The following MACROD2 variants were observed in gnomAD, a reference collection of about 807,000 sequenced individuals.
MACROD2 encodes the protein mono-ADP ribosylhydrolase 2, also known as ADP-ribose glycohydrolase MACROD2.
MACROD2 carries 36 observed loss-of-function variants against 70.4 expected under a neutral mutation model. That is an observed-to-expected ratio of 0.51 (90% CI 0.39 to 0.68). The LOEUF (loss-of-function observed/expected upper bound fraction) is 0.68, where lower values mean the gene tolerates loss of function less well. MACROD2 is among the 30% of genes least tolerant of loss of function. MACROD2 has a pLI of 0.00. For synonymous variants in MACROD2, 172 were observed against 178.8 expected, an observed-to-expected ratio of 0.96 and a Z score of 0.30; for missense variants, 496 against 538.4, an observed-to-expected ratio of 0.92 and a Z score of 0.78.
At chr20:15,678,520 T>G (rs55908777) in intron 8 of MACROD2, among the ~76,000 whole-genome samples, 3 of 151,786 alleles carry the variant, frequency 2.0e-5, no homozygotes, top group Non-Finnish European at 4.4e-5. Context: ...CCACCATGCC[T>G]GGCTAATTTT....
chr20:14,415,857 C>T (rs1180776634), intron 3 of MACROD2, among the ~76,000 whole-genome samples: 1 of 152,092 alleles, frequency 6.6e-6, no homozygotes, highest in Non-Finnish European at 1.5e-5. Flanking sequence ...TACTCAAAGT[C>T]CAGCTGCAAC....
At chr20:15,093,846 T>G (rs1352907935) in intron 5 of MACROD2, among the ~76,000 whole-genome samples, 2 of 152,190 alleles carry the variant, frequency 1.3e-5, no homozygotes, top group Non-Finnish European at 2.9e-5. Flanking sequence ...CAGACACTGT[T>G]CTAAGTGCTT....
intron 5 of MACROD2, among the ~76,000 whole-genome samples, chr20:15,116,086 T>A (rs1441890617): frequency 6.6e-6 from 1 of 152,232 alleles, no homozygotes; most frequent in African/African-American, 2.4e-5. Flanking sequence ...ACAGACCTTC[T>A]TTCCTTCCTG....
intron 5 of MACROD2, among the ~76,000 whole-genome samples, chr20:15,131,162 C>G (rs1470048057): frequency 6.6e-6 from 1 of 152,016 alleles, no homozygotes; most frequent in African/African-American, 2.4e-5. Context: ...CTAGATTAAC[C>G]TGCCCAAGTT....
At chr20:15,003,773 A>C (rs2075014473) in intron 5 of MACROD2, among the ~76,000 whole-genome samples, 1 of 152,196 alleles carries the variant, frequency 6.6e-6, no homozygotes, top group Non-Finnish European at 1.5e-5. Context: ...GAGGCCTGCT[A>C]AGGTATAGAC....
chr20:15,989,553 A>G (rs1170687161), intron 15 of MACROD2, among the ~76,000 whole-genome samples: 3 of 152,178 alleles, frequency 2.0e-5, no homozygotes, highest in Non-Finnish European at 2.9e-5. Flanking sequence ...TCCACAAAAG[A>G]AAACTAGTAA....
chr20:15,382,802 G>A (rs2045661154), intron 6 of MACROD2, among the ~76,000 whole-genome samples: 1 of 152,182 alleles, frequency 6.6e-6, no homozygotes, highest in Admixed American at 6.5e-5. Flanking sequence ...CCTGAAATGT[G>A]TCGTCAGTAA....
intron 5 of MACROD2, among the ~76,000 whole-genome samples, chr20:15,189,637 G>A (rs1248696931): frequency 6.6e-6 from 1 of 152,116 alleles, no homozygotes; most frequent in Non-Finnish European, 1.5e-5. Context: ...CTTCGGTCAG[G>A]CTGGAATATG....
intron 5 of MACROD2, among the ~76,000 whole-genome samples, chr20:15,201,081 C>T (rs538091876): frequency 2.6e-5 from 4 of 152,244 alleles, no homozygotes; most frequent in Admixed American, 1.3e-4. Flanking sequence ...GATCTGCAAA[C>T]CATAATTTGG....
At chr20:14,081,104 A>T (rs892700165) in intron 2 of MACROD2, among the ~76,000 whole-genome samples, 6 of 152,218 alleles carry the variant, frequency 3.9e-5, no homozygotes, top group Non-Finnish European at 5.9e-5. Context: ...AAGTTAGTTA[A>T]GAGAAAATCT....
chr20:15,377,142 G>A lies in MACROD2; in HGVS notation c.541-54263G>A, dbSNP rs956218707. 3.7e-4 allele frequency among the ~76,000 whole-genome samples: 57 copies of A among 152,034 alleles called. 1 individual carries two copies. The highest frequency in any genetic ancestry group is 1.3e-4 in the Non-Finnish European group (9 of 68,014). On this transcript the variant is annotated intron_variant, in intron 6 of 17. Coordinates refer to ENST00000684519, the MANE Select transcript of MACROD2 (RefSeq NM_001351661.2). The stretch of plus-strand genomic sequence containing the variant: ...CCTGACCTCGTGATCCGCCCGCTTC[G>A]GCCTCCCAAAGTGCAGGGATTACAG...
At chr20:14,623,344 G>A (rs1983943330) in intron 4 of MACROD2, among the ~76,000 whole-genome samples, 2 of 152,166 alleles carry the variant, frequency 1.3e-5, no homozygotes, top group African/African-American at 4.8e-5. Flanking sequence ...ACTGGATCCA[G>A]AGGGTGCTGG....
intron 4 of MACROD2, among the ~76,000 whole-genome samples, chr20:14,639,795 A>G (rs1023762124): frequency 1.3e-5 from 2 of 152,196 alleles, no homozygotes; most frequent in African/African-American, 2.4e-5. Flanking sequence ...CTTAAGTATT[A>G]TGAATGACAA....
At chr20:14,864,841 G>A (rs1431588974) in intron 5 of MACROD2, among the ~76,000 whole-genome samples, 1 of 152,088 alleles carries the variant, frequency 6.6e-6, no homozygotes, top group East Asian at 1.9e-4. Context: ...TGCTATCAGT[G>A]TCAATGTAAG....
intron 5 of MACROD2, among the ~76,000 whole-genome samples, chr20:14,792,221 A>G (rs944478058): frequency 6.6e-5 from 10 of 152,104 alleles, no homozygotes; most frequent in Admixed American, 6.6e-4. Flanking sequence ...ATTAGCACTA[A>G]ATTATTCTGT....
chr20:14,624,917 ATCC>A (rs1277621147), intron 4 of MACROD2, among the ~76,000 whole-genome samples: 1 of 152,182 alleles, frequency 6.6e-6, no homozygotes, highest in Non-Finnish European at 1.5e-5. Flanking sequence ...ATGAGAGGAA[ATCC>A]TCCCAAAGGT....
intron 5 of MACROD2, among the ~76,000 whole-genome samples, chr20:15,040,719 T>C (rs2075349653): frequency 6.6e-6 from 1 of 152,218 alleles, no homozygotes; most frequent in Non-Finnish European, 1.5e-5. Context: ...CAGATGGCTT[T>C]ATATAAAGTT....
chr20:14,862,601 A>G (rs1159015074), intron 5 of MACROD2, among the ~76,000 whole-genome samples: 2 of 32,608 alleles, frequency 6.1e-5, no homozygotes, highest in African/African-American at 1.5e-4. Context: ...ATATATATAA[A>G]TATAAATATA....
At chr20:14,698,332 A>C (rs912577386) in intron 5 of MACROD2, among the ~76,000 whole-genome samples, 1 of 152,156 alleles carries the variant, frequency 6.6e-6, no homozygotes, top group Non-Finnish European at 1.5e-5. Context: ...CAAGTTGTTT[A>C]ACCTCTTTGT....
Sources: gnomAD v4.1 joint callset for allele counts (sites outside exome capture counted in the v4.1 genomes callset) on GRCh38, gnomAD v4.1.1 for gene constraint, MANE v1.5 for transcripts, NCBI Gene and HGNC (gene_info 2026-07-23, HGNC 2026-07-21) for gene names.